The following NTM variants were observed in gnomAD, a reference collection of about 807,000 sequenced individuals.
NTM encodes the protein IgLON family member 2.
NTM carries 13 observed loss-of-function variants against 42.1 expected under a neutral mutation model. That is an observed-to-expected ratio of 0.31 (90% confidence interval 0.20 to 0.49). The LOEUF (loss-of-function observed/expected upper bound fraction) is 0.49. NTM is among the 20% of genes least tolerant of loss of function. The pLI is 0.99. For missense variants in NTM, 373 were observed against 452.8 expected (o/e 0.82, Z 1.60); for synonymous variants, 187 against 179.2 (o/e 1.04, Z -0.35).
intron 1 of NTM, among the ~76,000 whole-genome samples, chr11:131,456,863 T>G (rs920224561): frequency 6.6e-6 from 1 of 152,150 alleles, no homozygotes; most frequent in Non-Finnish European, 1.5e-5. Context: ...GACCTAAGCT[T>G]CCTGTGCTTT....
At chr11:131,723,697 G>A (rs2078628344) in intron 1 of NTM, among the ~76,000 whole-genome samples, 1 of 152,100 alleles carries the variant, frequency 6.6e-6, no homozygotes. Flanking sequence ...AAACTTGATG[G>A]GAAATATAAC....
At chr11:132,177,977 T>C (rs1483238496) in intron 3 of NTM, among the ~76,000 whole-genome samples, 1 of 152,262 alleles carries the variant, frequency 6.6e-6, no homozygotes, top group East Asian at 1.9e-4. Context: ...TTATTTCTCC[T>C]CACTCACATG....
chr11:131,374,356 C>CGGCA (rs1740776123), intron 1 of NTM, among the ~76,000 whole-genome samples: 1 of 152,216 alleles, frequency 6.6e-6, no homozygotes, highest in African/African-American at 2.4e-5. Flanking sequence ...CTGCCCTGGC[C>CGGCA]GGCAGGTCTC....
chr11:131,931,467 A>G (rs1392926043), intron 2 of NTM, among the ~76,000 whole-genome samples: 2 of 67,944 alleles, frequency 2.9e-5, no homozygotes, highest in African/African-American at 8.8e-5. Flanking sequence ...AATAATATAT[A>G]CGTGTGTGTG....
intron 1 of NTM, chr11:131,795,981 G>T (rs1237955941): frequency 1.0e-6 from 1 of 984,914 alleles, no homozygotes; most frequent in African/African-American, 1.7e-5. Context: ...AGGGAAAAAG[G>T]TGTTTCAGAT....
intron 1 of NTM, among the ~76,000 whole-genome samples, chr11:131,505,825 A>G (rs536351389): frequency 1.3e-5 from 2 of 152,210 alleles, no homozygotes; most frequent in East Asian, 1.9e-4. Flanking sequence ...AGCAGCAGGA[A>G]CATGAGAATG....
chr11:132,015,317 A>T (rs540037241), intron 2 of NTM, among the ~76,000 whole-genome samples: 1 of 151,944 alleles, frequency 6.6e-6, no homozygotes, highest in Non-Finnish European at 1.5e-5. Context: ...TTTTGAGTCC[A>T]GTAGCGTAAT....
intron 4 of NTM, among the ~76,000 whole-genome samples, chr11:132,235,624 C>T (rs955253843): frequency 2.6e-5 from 4 of 152,126 alleles, no homozygotes; most frequent in Admixed American, 2.6e-4. Flanking sequence ...TATCAATTAG[C>T]TGAGGTAATG....
Position 131,813,195 on chromosome 11 carries a change from A to C in NTM, c.83-98369A>C, listed in dbSNP as rs566377442. On this transcript the variant is annotated intron_variant, in intron 1 of 8. Transcript: ENST00000683400. ...GACTTACCAAACATCAATTTAGTTT[A>C]AGGTATCTCATGTATTTTTTCAGTA... 3.1e-4 allele frequency among the ~76,000 whole-genome samples: 47 copies of C among 152,348 alleles called. 1 individual carries two copies. The South Asian group carries it at 9.5e-3, about 31-fold the overall frequency.
intron 1 of NTM, among the ~76,000 whole-genome samples, chr11:131,688,987 T>C (rs999734903): frequency 6.6e-6 from 1 of 152,082 alleles, no homozygotes; most frequent in South Asian, 2.1e-4. Flanking sequence ...AGTTAGCTAG[T>C]TGGTTTTTAA....
rs1237667289 is a variant in NTM, at chr11:132,018,464, G to A, written c.167+106816G>A. On this transcript the variant is annotated intron_variant, in intron 2 of 8. Coordinates refer to ENST00000683400, the MANE Select transcript of NTM (RefSeq NM_001352005.2). ...GAATGTGTGCTAAATTTTTAAAAAT[G>A]TTTTTCTTTGTCTTTTGAGATGATC... Among the ~76,000 whole-genome samples, 4 of 151,878 alleles carry A rather than the reference G, an allele frequency of 2.6e-5. No individual in the cohort carries two copies. In the East Asian group the frequency reaches 7.7e-4, roughly 29 times the overall value.
At chr11:131,484,603 G>A (rs181407557) in intron 1 of NTM, among the ~76,000 whole-genome samples, 26 of 152,282 alleles carry the variant, frequency 1.7e-4, no homozygotes, top group Middle Eastern at 3.4e-3. Context: ...ATCCACAGGA[G>A]AGTGAGACGG....
chr11:132,042,624 G>T (rs1244399701), intron 2 of NTM, among the ~76,000 whole-genome samples: 1 of 152,168 alleles, frequency 6.6e-6, no homozygotes, highest in Non-Finnish European at 1.5e-5. Context: ...TGAGCTTAGA[G>T]CTGGGAACAC....
At chr11:132,065,333 A>C (rs1440355926) in intron 2 of NTM, among the ~76,000 whole-genome samples, 1 of 152,162 alleles carries the variant, frequency 6.6e-6, no homozygotes, top group Non-Finnish European at 1.5e-5. Context: ...GTGCTTGGCT[A>C]GTTTTCTGTC....
chr11:131,837,881 C>T (rs535258417), intron 1 of NTM, among the ~76,000 whole-genome samples: 7 of 152,208 alleles, frequency 4.6e-5, no homozygotes, highest in Admixed American at 3.9e-4. Flanking sequence ...TGCCTGAAGT[C>T]GAAAAAGGTT....
intron 2 of NTM, among the ~76,000 whole-genome samples, chr11:131,993,566 T>A (rs1278025463): frequency 3.9e-5 from 6 of 152,166 alleles, no homozygotes; most frequent in South Asian, 2.1e-4. Context: ...GCTTTTGTAA[T>A]CATTGTTTGC....
intron 1 of NTM, among the ~76,000 whole-genome samples, chr11:131,834,625 CA>C (rs2043241870): frequency 7.5e-6 from 1 of 133,986 alleles, no homozygotes; most frequent in African/African-American, 2.7e-5. Flanking sequence ...TATACATATA[CA>C]TATATATATA....
intron 1 of NTM, among the ~76,000 whole-genome samples, chr11:131,465,314 C>T (rs1423868015): frequency 2.0e-5 from 3 of 152,310 alleles, no homozygotes; most frequent in Admixed American, 2.0e-4. Flanking sequence ...GCCCCACACA[C>T]GTACCATAGC....
At chr11:132,104,779 C>T (rs1016942630) in intron 2 of NTM, among the ~76,000 whole-genome samples, 3 of 148,956 alleles carry the variant, frequency 2.0e-5, no homozygotes, top group African/African-American at 7.4e-5. Flanking sequence ...GTGGTACATG[C>T]CTGTAGTTCC....
Sources: gnomAD v4.1 joint callset for allele counts (sites outside exome capture counted in the v4.1 genomes callset) on GRCh38, gnomAD v4.1.1 for gene constraint, MANE v1.5 for transcripts, NCBI Gene and HGNC (gene_info 2026-07-23, HGNC 2026-07-21) for gene names.